Variants in DGKG observed in about 807,000 individuals in gnomAD.
DGKG encodes the protein diacylglycerol kinase gamma, also known as DAG kinase gamma.
In DGKG, 78 loss-of-function variants were observed where a neutral mutation model predicts 105.3. That is an observed-to-expected ratio of 0.74 (90% confidence interval 0.62 to 0.89). The LOEUF is 0.89. Among genes scored for constraint, DGKG ranks in the 40% least tolerant of loss-of-function variants. The probability of loss-of-function intolerance (pLI) is 0.00; values close to 1 mark genes in which losing one functional copy is unlikely to be tolerated. For missense variants in DGKG, 958 were observed against 1,020.1 expected, an observed-to-expected ratio of 0.94 and a Z score of 0.83; for synonymous variants, 346 against 367.1, an observed-to-expected ratio of 0.94 and a Z score of 0.66.
At chr3:186,241,301 C>T (rs1279642135) in intron 20 of DGKG, among the ~76,000 whole-genome samples, 5 of 151,096 alleles carry the variant, frequency 3.3e-5, no homozygotes, top group South Asian at 2.1e-4. Flanking sequence ...GCTTGTAATC[C>T]CAGCACTTTG....
chr3:186,229,245 CTT>C (rs536690937), intron 20 of DGKG, among the ~76,000 whole-genome samples: 27 of 144,504 alleles, frequency 1.9e-4, no homozygotes, highest in Non-Finnish European at 2.0e-4. Context: ...AGACTTGTAG[CTT>C]TTTTTTTTTT....
At chr3:186,225,126 A>G (rs930501232) in intron 20 of DGKG, among the ~76,000 whole-genome samples, 3 of 149,130 alleles carry the variant, frequency 2.0e-5, no homozygotes, top group Admixed American at 2.0e-4. Context: ...ACAGGGTCTC[A>G]CTCCATTGCC....
At chr3:186,182,058 G>T (rs1158828194) in intron 22 of DGKG, among the ~76,000 whole-genome samples, 1 of 152,202 alleles carries the variant, frequency 6.6e-6, no homozygotes, top group East Asian at 1.9e-4. Context: ...CCATGCCCTT[G>T]GTGCTTCCTC....
Position 186,361,051 on chromosome 3 carries a change from CG to C in DGKG, c.-249+894del, listed in dbSNP as rs1560173443. On this transcript the variant is annotated intron_variant, in intron 1 of 24. Coordinates refer to ENST00000265022, the MANE Select transcript of DGKG (RefSeq NM_001346.3). The surrounding 1 kb of genome is among the most constrained non-coding windows in gnomAD (Gnocchi z 6.8). ...CGCGCTGCAGCAGACGCTCCCGCCG[CG>C]GGGGGCGACTGGGGGAGGGGTCTCG... Among the ~76,000 whole-genome samples the C allele has an allele frequency of 6.6e-6, 1 of 152,192 alleles. No homozygotes were observed. Among genetic ancestry groups the C allele is most frequent in the South Asian group, 2.1e-4 (1 of 4,832 alleles).
At chr3:186,153,175 C>G (rs992202179) in intron 24 of DGKG, among the ~76,000 whole-genome samples, 3 of 152,050 alleles carry the variant, frequency 2.0e-5, no homozygotes, top group South Asian at 4.1e-4. Context: ...TTTTGGTCAG[C>G]TTTGTGGATT....
intron 9 of DGKG, among the ~76,000 whole-genome samples, chr3:186,275,945 G>GATCT (rs146027394): frequency 0.037 from 5,433 of 148,656 alleles, 108 homozygotes; most frequent in East Asian, 0.05. Flanking sequence ...ACAACAATCT[G>GATCT]ATCTATCTAT....
chr3:186,259,697 G>T (rs778302072), intron 16 of DGKG, among the ~76,000 whole-genome samples: 1 of 151,960 alleles, frequency 6.6e-6, no homozygotes, highest in Admixed American at 6.6e-5. Flanking sequence ...CCCCGGGCCC[G>T]GGGCCGGCCA....
chr3:186,324,104 C>CA (rs561960985), intron 1 of DGKG, among the ~76,000 whole-genome samples: 7,058 of 57,960 alleles, frequency 0.12, 374 homozygotes, highest in East Asian at 0.21. Flanking sequence ...GAGAGTCTGT[C>CA]AAAAAAAAAA....
Position 186,261,772 on chromosome 3 carries a change from TCTTA to T in DGKG, c.1272_1275del (p.Tyr424Ter), listed in dbSNP as rs1401906161. 6.3e-7 allele frequency: 1 copy of T among 1,598,674 alleles called. No individual in the cohort carries two copies. The highest frequency in any genetic ancestry group is 8.5e-7 in the Non-Finnish European group (1 of 1,171,836). ...GGGTGGGTACCCGGGGTGGGGATGATCTTATACTTGAAAGGTAAAAGAAAAAGAA... is the reference window on the plus strand; with the variant it reads ...GGGTGGGTACCCGGGGTGGGGATGATTACTTGAAAGGTAAAAGAAAAAGAA... On this transcript the variant is annotated frameshift_variant and splice_region_variant, in exon 15 of 25. Transcript: ENST00000265022. LOFTEE classifies it high-confidence loss of function.
chr3:186,235,120 A>G (rs921570111), intron 20 of DGKG, among the ~76,000 whole-genome samples: 2 of 152,192 alleles, frequency 1.3e-5, no homozygotes, highest in Admixed American at 6.5e-5. Context: ...GGGGGACAAA[A>G]CATTTTTGTG....
intron 22 of DGKG, among the ~76,000 whole-genome samples, chr3:186,185,883 G>C (rs767361102): frequency 6.6e-6 from 1 of 151,884 alleles, no homozygotes; most frequent in Non-Finnish European, 1.5e-5. Context: ...GATCACCTGA[G>C]GGCAGGAGTT....
intron 2 of DGKG, among the ~76,000 whole-genome samples, chr3:186,311,386 A>T (rs946683193): frequency 1.3e-5 from 2 of 152,218 alleles, no homozygotes; most frequent in Non-Finnish European, 2.9e-5. Flanking sequence ...TAAGTGGACA[A>T]CACCAAAGAA....
intron 16 of DGKG, among the ~76,000 whole-genome samples, chr3:186,258,891 C>T (rs1429749267): frequency 6.6e-6 from 1 of 152,090 alleles, no homozygotes; most frequent in Non-Finnish European, 1.5e-5. Flanking sequence ...CACCAGACTG[C>T]CAAGGGGGTT....
intron 24 of DGKG, among the ~76,000 whole-genome samples, chr3:186,154,126 T>C (rs1715911756): frequency 2.0e-5 from 3 of 151,978 alleles, no homozygotes; most frequent in Non-Finnish European, 4.4e-5. Context: ...AAAAGAAAAG[T>C]GTCTGAGGTC....
At chr3:186,193,996 G>T (rs1718044107) in intron 21 of DGKG, among the ~76,000 whole-genome samples, 1 of 152,248 alleles carries the variant, frequency 6.6e-6, no homozygotes, top group Non-Finnish European at 1.5e-5. Context: ...ATGAAATCGT[G>T]CTCCTGGGTG....
At chr3:186,317,016 G>A (rs944277751) in intron 2 of DGKG, among the ~76,000 whole-genome samples, 10 of 152,122 alleles carry the variant, frequency 6.6e-5, no homozygotes, top group Admixed American at 3.9e-4. Context: ...ATCCAGTCCC[G>A]CGACATGGAC....
chr3:186,232,846 C>T (rs1388549587), intron 20 of DGKG, among the ~76,000 whole-genome samples: 1 of 152,134 alleles, frequency 6.6e-6, no homozygotes, highest in Non-Finnish European at 1.5e-5. Flanking sequence ...TAGAGAATCA[C>T]CAAAATTCAG....
At chr3:186,223,212 C>T (rs980055015) in intron 20 of DGKG, among the ~76,000 whole-genome samples, 1 of 151,360 alleles carries the variant, frequency 6.6e-6, no homozygotes. Flanking sequence ...AACCTGGAGA[C>T]TCCTCTACCC....
At chr3:186,257,963 A>C (rs1249159774) in intron 16 of DGKG, 24 bp from the exon 17 acceptor site, 2 of 1,577,072 alleles carry the variant, frequency 1.3e-6, no homozygotes, top group Non-Finnish European at 1.7e-6. Flanking sequence ...GAAAGGCCAA[A>C]ATGGGCTTGT....
Sources: allele counts gnomAD v4.1 joint callset (sites outside exome capture counted in the v4.1 genomes callset), GRCh38; gene constraint gnomAD v4.1.1; non-coding constraint Gnocchi (gnomAD v3.1); transcripts MANE v1.5; gene names NCBI Gene and HGNC (gene_info 2026-07-23, HGNC 2026-07-21).